Variants in LPP observed in about 807,000 individuals in gnomAD.
The protein encoded by LPP is lipoma-preferred partner.
A neutral mutation model predicts 60.4 loss-of-function variants in LPP; 38 were observed. The observed-to-expected ratio is 0.63, with a 90% CI of 0.49 to 0.83. The LOEUF is 0.83. Among genes scored for constraint, LPP ranks in the 40% least tolerant of loss-of-function variants. LPP has a pLI of 0.00. For synonymous variants in LPP, 328 were observed against 290.8 expected (o/e 1.13, Z -1.30); for missense variants, 902 against 783.6 (o/e 1.15, Z -1.80).
intron 9 of LPP, among the ~76,000 whole-genome samples, chr3:188,773,894 A>G (rs1221461477): frequency 1.3e-5 from 2 of 152,312 alleles, no homozygotes; most frequent in African/African-American, 2.4e-5. Flanking sequence ...GAAGGTCTTC[A>G]TGGAGGAAGA....
At chr3:188,856,623 A>T (rs1351117668) in intron 9 of LPP, among the ~76,000 whole-genome samples, 2 of 152,236 alleles carry the variant, frequency 1.3e-5, no homozygotes, top group Non-Finnish European at 2.9e-5. Context: ...CAGAATACTT[A>T]GTATCCCATT....
intron 2 of LPP, among the ~76,000 whole-genome samples, chr3:188,307,230 G>A (rs552875707): frequency 1.3e-5 from 2 of 152,318 alleles, no homozygotes; most frequent in East Asian, 1.9e-4. Flanking sequence ...CAGATGAAAT[G>A]TGACAGGTAG....
In LPP at chr3:188,888,694, G is replaced by T. The variant is rs969507038; in HGVS notation, c.*14215G>T. ...TACACACGGTACCCAGAGTCGTACT[G>T]TGCAGCCTTCAAAAACATACCATCA... On this transcript the variant is annotated 3_prime_UTR_variant, in exon 12 of 12. Transcript: ENST00000617246. 2 of 221,424 alleles carry T rather than the reference G, an allele frequency of 9.0e-6. No individual in the cohort carries two copies. Among genetic ancestry groups the T allele is most frequent in the African/African-American group, 4.5e-5 (2 of 44,694 alleles). 13.7% of individuals were successfully genotyped at this position (221,424 alleles called of 1,614,324 possible). A position where few individuals can be genotyped will look rare whatever the true frequency, so the allele number is the denominator to read the frequency against.
chr3:188,379,752 G>A (rs532315174), intron 3 of LPP, among the ~76,000 whole-genome samples: 1 of 152,282 alleles, frequency 6.6e-6, no homozygotes, highest in African/African-American at 2.4e-5. Context: ...ATTCATCTAT[G>A]TTGCAGCATG....
intron 2 of LPP, among the ~76,000 whole-genome samples, chr3:188,312,201 A>G (rs972851502): frequency 1.2e-4 from 18 of 152,186 alleles, no homozygotes; most frequent in African/African-American, 3.9e-4. Flanking sequence ...ATTCCAGTGT[A>G]TATAAATACA....
intron 4 of LPP, among the ~76,000 whole-genome samples, chr3:188,422,287 C>G (rs934222259): frequency 6.6e-6 from 1 of 152,076 alleles, no homozygotes; most frequent in Non-Finnish European, 1.5e-5. Flanking sequence ...TTCGACAGCA[C>G]GGTTTTCAAA....
chr3:188,680,514 AT>A (rs1859249814), intron 7 of LPP, among the ~76,000 whole-genome samples: 2 of 152,220 alleles, frequency 1.3e-5, no homozygotes, highest in Non-Finnish European at 2.9e-5. Flanking sequence ...CTAACTTCAT[AT>A]TTCAGATGCC....
At chr3:188,412,453 A>G (rs1785134452) in intron 4 of LPP, among the ~76,000 whole-genome samples, 1 of 152,174 alleles carries the variant, frequency 6.6e-6, no homozygotes, top group Non-Finnish European at 1.5e-5. Context: ...TCATTTCAGT[A>G]GAAAATTCTT....
At chr3:188,168,244 T>C (rs573228984) in intron 1 of LPP, among the ~76,000 whole-genome samples, 1 of 152,228 alleles carries the variant, frequency 6.6e-6, no homozygotes, top group Admixed American at 6.5e-5. Flanking sequence ...TGTGTGATAG[T>C]TGAAGTCTAG....
chr3:188,489,318 T>C (rs1373733780), intron 5 of LPP, among the ~76,000 whole-genome samples: 1 of 152,184 alleles, frequency 6.6e-6, no homozygotes, highest in African/African-American at 2.4e-5. Flanking sequence ...ATCTAAGTCC[T>C]AGGTTAGTGG....
At chr3:188,529,507 A>G (rs1292671498) in intron 6 of LPP, among the ~76,000 whole-genome samples, 1 of 152,208 alleles carries the variant, frequency 6.6e-6, no homozygotes, top group East Asian at 1.9e-4. Flanking sequence ...GAATGTTTAT[A>G]TGGTAAGAGG....
intron 2 of LPP, among the ~76,000 whole-genome samples, chr3:188,321,136 G>T (rs979178942): frequency 1.3e-5 from 2 of 152,224 alleles, no homozygotes; most frequent in African/African-American, 4.8e-5. Context: ...GCCTGTGGGA[G>T]TACTTGTATC....
intron 6 of LPP, among the ~76,000 whole-genome samples, chr3:188,589,348 A>C (rs1336903778): frequency 6.6e-6 from 1 of 152,186 alleles, no homozygotes; most frequent in Non-Finnish European, 1.5e-5. Flanking sequence ...CAAGTTTTGC[A>C]AAAGAATGAC....
intron 9 of LPP, among the ~76,000 whole-genome samples, chr3:188,852,628 C>A (rs751099072): frequency 4.6e-5 from 7 of 152,140 alleles, no homozygotes; most frequent in Non-Finnish European, 1.0e-4. Flanking sequence ...TGACCTTCTG[C>A]CTTCTGCCCT....
intron 1 of LPP, among the ~76,000 whole-genome samples, chr3:188,209,483 C>T (rs1223348908): frequency 1.3e-5 from 2 of 152,184 alleles, no homozygotes; most frequent in Non-Finnish European, 2.9e-5. Context: ...GCTCCCAGCC[C>T]CGTGATTAGC....
intron 6 of LPP, among the ~76,000 whole-genome samples, chr3:188,592,365 CACAT>C (rs1295499618): frequency 1.3e-5 from 2 of 151,826 alleles, no homozygotes; most frequent in African/African-American, 4.8e-5. Context: ...CACACACACA[CACAT>C]ACACACAGTC....
chr3:188,770,368 A>G (rs62291344), intron 9 of LPP, among the ~76,000 whole-genome samples: 47,971 of 116,538 alleles, frequency 0.41, 8,515 homozygotes, highest in Middle Eastern at 0.48. Flanking sequence ...TTTTTTTTGT[A>G]TTTTTAGTAG....
intron 8 of LPP, among the ~76,000 whole-genome samples, chr3:188,727,231 G>A (rs938950424): frequency 2.6e-5 from 4 of 152,162 alleles, no homozygotes; most frequent in Non-Finnish European, 5.9e-5. Flanking sequence ...AAGTGTCTGT[G>A]ATAGGGGGTT....
intron 6 of LPP, among the ~76,000 whole-genome samples, chr3:188,565,538 A>C (rs945766482): frequency 1.8e-4 from 28 of 152,014 alleles, no homozygotes; most frequent in African/African-American, 6.3e-4. Flanking sequence ...TAATGAGCCC[A>C]TTAGAAAGCA....
Sources: gnomAD v4.1 joint callset for allele counts (sites outside exome capture counted in the v4.1 genomes callset) on GRCh38, gnomAD v4.1.1 for gene constraint, MANE v1.5 for transcripts, NCBI Gene and HGNC (gene_info 2026-07-23, HGNC 2026-07-21) for gene names.